Variants in PRIM2 observed in about 807,000 individuals in gnomAD.
PRIM2 encodes DNA primase large subunit.
A neutral mutation model predicts 67.3 loss-of-function variants in PRIM2; 39 were observed. The ratio of observed to expected loss-of-function variants is 0.58; its 90% CI spans 0.45 to 0.76. PRIM2 has a LOEUF of 0.76. Ranked by LOEUF, PRIM2 falls within the 30% of genes least tolerant of loss-of-function variation. PRIM2 has a pLI of 0.00. For missense variants in PRIM2, 398 were observed against 598.7 expected, an observed-to-expected ratio of 0.66 and a Z score of 3.50; for synonymous variants, 143 against 198.7, an observed-to-expected ratio of 0.72 and a Z score of 2.36.
intron 10 of PRIM2, among the ~76,000 whole-genome samples, chr6:57,577,404 C>CT (rs1775982365): frequency 1.3e-5 from 2 of 150,494 alleles, no homozygotes; most frequent in African/African-American, 4.9e-5. Flanking sequence ...CTATGTTGTA[C>CT]TTTTCCATTG....
At chr6:57,412,483 G>A (rs1319235379) in intron 7 of PRIM2, among the ~76,000 whole-genome samples, 3 of 151,966 alleles carry the variant, frequency 2.0e-5, no homozygotes, top group Non-Finnish European at 4.4e-5. Flanking sequence ...GGGTCAGAGG[G>A]TCGAAATGTC....
At chr6:57,528,442 C>G (rs1774810251) in intron 8 of PRIM2, among the ~76,000 whole-genome samples, 1 of 151,394 alleles carries the variant, frequency 6.6e-6, no homozygotes, top group Non-Finnish European at 1.5e-5. Flanking sequence ...TGTGGAAGAA[C>G]AAGCATTTTA....
At chr6:57,471,613 T>C (rs1773339223) in intron 7 of PRIM2, among the ~76,000 whole-genome samples, 1 of 152,162 alleles carries the variant, frequency 6.6e-6, no homozygotes, top group South Asian at 2.1e-4. Flanking sequence ...TCTGTTTATA[T>C]TGAAGGTGAA....
At chr6:57,268,181 G>A in the PRIM2 span, among the ~76,000 whole-genome samples, 3 of 152,138 alleles carry the variant, frequency 2.0e-5, no homozygotes, top group Non-Finnish European at 4.4e-5. Flanking sequence ...GAGGAGACAT[G>A]TCTTCCTAGT....
intron 7 of PRIM2, among the ~76,000 whole-genome samples, chr6:57,411,176 G>C (rs1771077263): frequency 1.3e-5 from 2 of 151,904 alleles, no homozygotes; most frequent in South Asian, 4.2e-4. Context: ...TGAAGTACCT[G>C]CTCCTGCTTG....
chr6:57,257,073 G>A, the PRIM2 span, among the ~76,000 whole-genome samples: 12 of 152,014 alleles, frequency 7.9e-5, no homozygotes, highest in Non-Finnish European at 1.8e-4. Flanking sequence ...AGCCACCCTG[G>A]GCCAGTGCTT....
chr6:57,535,594 G>T (rs1774986881), intron 9 of PRIM2, among the ~76,000 whole-genome samples: 1 of 152,148 alleles, frequency 6.6e-6, no homozygotes, highest in African/African-American at 2.4e-5. Flanking sequence ...AGGCGCAGTG[G>T]GTCATGCCAT....
At chr6:57,295,357 T>A in the PRIM2 span, among the ~76,000 whole-genome samples, 52 of 151,226 alleles carry the variant, frequency 3.4e-4, no homozygotes, top group Admixed American at 3.2e-3. Flanking sequence ...AAAAAAAAAA[T>A]TTGATTGGGA....
intron 7 of PRIM2, among the ~76,000 whole-genome samples, chr6:57,430,456 T>G (rs1443394657): frequency 2.6e-5 from 3 of 115,536 alleles, no homozygotes; most frequent in Non-Finnish European, 4.9e-5. Context: ...TGTTTTTTTT[T>G]TTTTTTTTTT....
the PRIM2 span, among the ~76,000 whole-genome samples, chr6:57,303,870 A>G: frequency 6.6e-6 from 1 of 152,174 alleles, no homozygotes; most frequent in Non-Finnish European, 1.5e-5. Context: ...CGTGACCTCA[A>G]GTGGTCTGCC....
At chr6:57,461,248 G>A (rs1772993810) in intron 7 of PRIM2, among the ~76,000 whole-genome samples, 1 of 152,156 alleles carries the variant, frequency 6.6e-6, no homozygotes, top group African/African-American at 2.4e-5. Context: ...GGAAAGATGA[G>A]CACTGTTACT....
At chr6:57,574,105 T>C (rs1426003864) in intron 10 of PRIM2, among the ~76,000 whole-genome samples, 1 of 152,066 alleles carries the variant, frequency 6.6e-6, no homozygotes, top group Admixed American at 6.5e-5. Flanking sequence ...CGATTGGCCA[T>C]GAGGCAAACC....
chr6:57,308,728 T>C, the PRIM2 span, among the ~76,000 whole-genome samples: 1 of 152,174 alleles, frequency 6.6e-6, no homozygotes, highest in Admixed American at 6.5e-5. Flanking sequence ...TATTATCTCA[T>C]TGTGGTTTTA....
intron 5 of PRIM2, among the ~76,000 whole-genome samples, chr6:57,378,388 A>G (rs1420710472): frequency 6.6e-6 from 1 of 152,038 alleles, no homozygotes; most frequent in Non-Finnish European, 1.5e-5. Context: ...AAAAAAAATC[A>G]CTTTTTATAG....
intron 5 of PRIM2, among the ~76,000 whole-genome samples, chr6:57,340,720 G>C (rs1768449750): frequency 6.6e-6 from 1 of 152,136 alleles, no homozygotes; most frequent in African/African-American, 2.4e-5. Context: ...GTGGGGGTAG[G>C]GGTGAGGGAT....
chr6:57,338,557 C>T (rs1259560665), intron 5 of PRIM2, among the ~76,000 whole-genome samples: 20 of 150,620 alleles, frequency 1.3e-4, no homozygotes, highest in South Asian at 2.1e-4. Context: ...GTTCAATATA[C>T]GCAAATCAAT....
intron 11 of PRIM2, among the ~76,000 whole-genome samples, chr6:57,601,574 T>A (rs1776468096): frequency 6.6e-6 from 1 of 152,196 alleles, no homozygotes; most frequent in Non-Finnish European, 1.5e-5. Flanking sequence ...TAGAATGTTC[T>A]AAGTTTGGAA....
chr6:57,602,700 G>C (rs1361193191), intron 11 of PRIM2, among the ~76,000 whole-genome samples: 42 of 152,178 alleles, frequency 2.8e-4, no homozygotes, highest in Non-Finnish European at 5.6e-4. Flanking sequence ...CTTTATTTCT[G>C]TTAAGTTGTA....
At chr6:57,455,530 C>A in intron 7 of PRIM2, among the ~76,000 whole-genome samples, 1 of 152,270 alleles carries the variant, frequency 6.6e-6, no homozygotes, top group South Asian at 2.1e-4. Flanking sequence ...GATCCCTTTA[C>A]CATTATGTAA....
Sources: gnomAD v4.1 joint callset for allele counts (sites outside exome capture counted in the v4.1 genomes callset) on GRCh38, gnomAD v4.1.1 for gene constraint, MANE v1.5 for transcripts, NCBI Gene and HGNC (gene_info 2026-07-23, HGNC 2026-07-21) for gene names.